CES1: variants seen among roughly 807,000 people sequenced by gnomAD.
CES1 encodes carboxylesterase 1.
CES1 carries 50 observed loss-of-function variants against 53.0 expected under a neutral mutation model. The observed-to-expected ratio is 0.94, with a 90% CI of 0.75 to 1.19. The LOEUF is 1.19. Ranked by LOEUF, CES1 falls within the 50% of genes most tolerant of loss-of-function variation. The pLI is 0.00. For missense variants in CES1, 534 were observed against 538.0 expected (o/e 0.99, Z 0.07); for synonymous variants, 202 against 210.1 (o/e 0.96, Z 0.33).
chr16:55,810,977 G>A lies in CES1; in HGVS notation c.1120C>T (p.Leu374=), dbSNP rs145905171. 377 of 1,612,660 alleles carry A rather than the reference G, an allele frequency of 2.3e-4. No homozygotes were observed. In the African/African-American group the frequency reaches 4.5e-3, roughly 19 times the overall value. ...AGTGACATGGCTGTCTTCTGGTCCA[G>A]TTGCCCTTCGGAGAGTGGATAGCTC... ...LMSYPLSEGQ[L]DQKTAMSLLW... The change falls in exon 10 of 14, where the codon CTG becomes TTG. Residue 374 remains leucine (L), a synonymous_variant. Coordinates refer to ENST00000360526, the MANE Select transcript of CES1 (RefSeq NM_001025195.2).
intron 4 of CES1, among the ~76,000 whole-genome samples, chr16:55,822,347 G>C (rs1285234170): frequency 1.3e-5 from 2 of 152,226 alleles, no homozygotes; most frequent in Non-Finnish European, 2.9e-5. Flanking sequence ...TGGGCTAGGA[G>C]CCAGGGAAGA....
At chr16:55,816,897 C>G in intron 8 of CES1, 27 bp downstream of exon 8, 2 of 1,612,622 alleles carry the variant, frequency 1.2e-6, no homozygotes, top group Non-Finnish European at 8.5e-7. Context: ...ACTCAAAACC[C>G]GTAATCCAGA....
In CES1 at chr16:55,821,417, G is replaced by A. The variant is rs1278606700; in HGVS notation, c.644C>T (p.Ser215Phe). 1.9e-6 allele frequency: 3 copies of A among 1,614,226 alleles called. No homozygotes were observed. The highest frequency in any genetic ancestry group is 3.3e-5 in the Admixed American group (2 of 60,028). ...CGCTGACTCTCCAAAGATGGTCACA[G>A]AGCCTGGGTTCCCTCCAAAGCTGGC... ...NIASFGGNPG[S>F]VTIFGESAGG... Residue 215 changes from serine (S) to phenylalanine (F), a missense_variant, in exon 5 of 14, where the codon TCT becomes TTT. By Grantham distance (155) the Ser-to-Phe change is radical. Coordinates refer to ENST00000360526, the MANE Select transcript of CES1 (RefSeq NM_001025195.2).
chr16:55,827,666 AAAGC>A (rs2032472275), intron 2 of CES1, among the ~76,000 whole-genome samples: 1 of 152,322 alleles, frequency 6.6e-6, no homozygotes, highest in Non-Finnish European at 1.5e-5. Context: ...ACCCCAAATA[AAAGC>A]TTGGGGAAAT....
intron 11 of CES1, among the ~76,000 whole-genome samples, chr16:55,809,114 C>T (rs1209153976): frequency 2.2e-4 from 6 of 27,432 alleles, no homozygotes; most frequent in East Asian, 5.4e-4. Flanking sequence ...AAAAAAAAGC[C>T]CTGAACTTAA....
At chr16:55,817,674 G>T (rs1461155284) in intron 7 of CES1, among the ~76,000 whole-genome samples, 1 of 152,010 alleles carries the variant, frequency 6.6e-6, no homozygotes, top group Admixed American at 6.6e-5. Flanking sequence ...GTGTATGAGT[G>T]TGTCTGTGTG....
At chr16:55,826,519 T>C (rs1387065436) in intron 2 of CES1, among the ~76,000 whole-genome samples, 1 of 152,170 alleles carries the variant, frequency 6.6e-6, no homozygotes, top group Non-Finnish European at 1.5e-5. Flanking sequence ...TTCACACCTC[T>C]TCCCTTTCCA....
intron 10 of CES1, 64 bp downstream of exon 10, chr16:55,810,863 G>T: frequency 6.7e-7 from 1 of 1,488,192 alleles, no homozygotes; most frequent in Non-Finnish European, 9.4e-7. Flanking sequence ...ATTGCTCTAT[G>T]ATTTGGGCAA....
intron 1 of CES1, among the ~76,000 whole-genome samples, chr16:55,829,281 C>A (rs2032548723): frequency 6.6e-6 from 1 of 152,192 alleles, no homozygotes; most frequent in Non-Finnish European, 1.5e-5. Context: ...AACATTTATC[C>A]ATTAGAATCC....
chr16:55,821,349 T>A lies in CES1; in HGVS notation c.693+19A>T. On this transcript the variant is annotated intron_variant, in intron 5 of 13. Coordinates refer to ENST00000360526, the MANE Select transcript of CES1 (RefSeq NM_001025195.2). ...ATCACATCAAGCGTGGGGTTGGGCC[T>A]GGTGACAGGAAAACTCACAAGAACA... The A allele has an allele frequency of 2.5e-6, 4 of 1,614,182 alleles. No individual in the cohort carries two copies. Among genetic ancestry groups the A allele is most frequent in the Non-Finnish European group, 3.4e-6 (4 of 1,180,006 alleles).
At position 55,810,909 on chromosome 16, in the gene CES1, T is replaced by C; in HGVS notation, c.1170+18A>G. 2 of 1,607,644 alleles carry C rather than the reference T, an allele frequency of 1.2e-6. No individual in the cohort carries two copies. The highest frequency in any genetic ancestry group is 1.3e-5 in the African/African-American group (1 of 74,908). On this transcript the variant is annotated intron_variant, in intron 10 of 13. Transcript: ENST00000360526. Reference sequence around the variant, plus strand: ...CTCTCTGGGTCTCAGCCAATTCCCATGATTCCTAGACTCTTACAACAAGGG... The same window carrying C: ...CTCTCTGGGTCTCAGCCAATTCCCACGATTCCTAGACTCTTACAACAAGGG...
intron 4 of CES1, among the ~76,000 whole-genome samples, chr16:55,823,281 T>C (rs201805531): frequency 0.028 from 3,838 of 135,688 alleles, 4 homozygotes; most frequent in African/African-American, 0.066. Context: ...TCAGTGGAGG[T>C]AACTGGGGGC....
chr16:55,832,627 G>A (rs1313437863), intron 1 of CES1, among the ~76,000 whole-genome samples: 2 of 152,182 alleles, frequency 1.3e-5, no homozygotes, highest in African/African-American at 2.4e-5. Context: ...TCGAACCCAC[G>A]CACTCTGGCT....
chr16:55,826,236 T>C lies in CES1; in HGVS notation c.320A>G (p.Glu107Gly), dbSNP rs766772874. 10 of 1,613,836 alleles carry C rather than the reference T, an allele frequency of 6.2e-6. No individual in the cohort carries two copies. The highest frequency in any genetic ancestry group is 1.1e-5 in the South Asian group (1 of 91,082). Residue 107 changes from glutamate to glycine, a missense_variant, in exon 3 of 14, where the codon GAG (glutamate) becomes GGG (glycine). Transcript: ENST00000360526. ...TTCAGAAAGCTTGAGAGGAATGTTC[T>C]CCTTTCGGTTTGTAAATAGCTCTGA... ...LLSELFTNRK[E>G]NIPLKLSEDC...
rs2032082225 is a variant in CES1 at position 55,819,513 on chromosome 16, GC to G, written c.906+21del. On this transcript the variant is annotated intron_variant, in intron 7 of 13. Coordinates refer to ENST00000360526, the MANE Select transcript of CES1 (RefSeq NM_001025195.2). ...CTGGGACCAAGTTTACAGGGTTTGG[GC>G]TACGGGAACAGGCAACCTACCATTT... The G allele has an allele frequency of 4.5e-6, 7 of 1,564,002 alleles. No individual in the cohort carries two copies. The East Asian group carries it at 1.6e-4, about 35-fold the overall frequency.
chr16:55,815,565 C>T (rs2031903121), intron 8 of CES1, among the ~76,000 whole-genome samples: 1 of 152,198 alleles, frequency 6.6e-6, no homozygotes, highest in South Asian at 2.1e-4. Flanking sequence ...TGTCAGAAAA[C>T]TCAGGGCGTC....
At chr16:55,824,060 G>T (rs1340177164) in intron 3 of CES1, among the ~76,000 whole-genome samples, 3 of 152,242 alleles carry the variant, frequency 2.0e-5, no homozygotes, top group African/African-American at 7.2e-5. Flanking sequence ...TACCCATGGG[G>T]CAGCCCTTGT....
At chr16:55,825,898 A>G (rs1445556303) in intron 3 of CES1, among the ~76,000 whole-genome samples, 9 of 152,242 alleles carry the variant, frequency 5.9e-5, no homozygotes, top group Non-Finnish European at 1.2e-4. Flanking sequence ...TCATCCTTCT[A>G]TTAGCATGAG....
intron 7 of CES1, among the ~76,000 whole-genome samples, chr16:55,817,980 C>A (rs1397560888): frequency 6.6e-6 from 1 of 152,170 alleles, no homozygotes; most frequent in Non-Finnish European, 1.5e-5. Flanking sequence ...CGTTAGAAAA[C>A]AGTTGTGTTT....
Sources: allele counts gnomAD v4.1 joint callset (sites outside exome capture counted in the v4.1 genomes callset), GRCh38; gene constraint gnomAD v4.1.1; transcripts MANE v1.5; gene names NCBI Gene and HGNC (gene_info 2026-07-23, HGNC 2026-07-21).